The following SV2C variants were observed in gnomAD, a reference collection of about 807,000 sequenced individuals.
The protein encoded by SV2C is solute carrier family 22 member B3.
SV2C carries 49 observed loss-of-function variants against 79.7 expected under a neutral mutation model. That is an observed-to-expected ratio of 0.61 (90% CI 0.49 to 0.78). The LOEUF is 0.78. SV2C is among the 30% of genes least tolerant of loss of function. The pLI, the probability that SV2C is intolerant of heterozygous loss-of-function variation, is 0.00. For missense variants in SV2C, 833 were observed against 912.9 expected, an observed-to-expected ratio of 0.91 and a Z score of 1.13; for synonymous variants, 334 against 333.2, an observed-to-expected ratio of 1.00 and a Z score of -0.03.
chr5:76,011,347 G>A, the SV2C span, among the ~76,000 whole-genome samples: 2 of 152,074 alleles, frequency 1.3e-5, no homozygotes, highest in Non-Finnish European at 2.9e-5. Flanking sequence ...TAGTATAATA[G>A]CTAGTTCTCC....
At chr5:76,324,051 A>G (rs562743624) in intron 12 of SV2C, among the ~76,000 whole-genome samples, 1 of 152,334 alleles carries the variant, frequency 6.6e-6, no homozygotes, top group African/African-American at 2.4e-5. Context: ...CTTAGCATGA[A>G]CATAATTAAT....
chr5:75,886,724 T>A, the SV2C span, among the ~76,000 whole-genome samples: 1 of 152,116 alleles, frequency 6.6e-6, no homozygotes. Flanking sequence ...TCCACAGACA[T>A]TTACAGAGTT....
At chr5:76,066,514 T>C in the SV2C span, among the ~76,000 whole-genome samples, 3 of 148,044 alleles carry the variant, frequency 2.0e-5, no homozygotes, top group Admixed American at 2.0e-4. Context: ...AAATGATGAG[T>C]TAATGGGTGC....
intron 1 of SV2C, among the ~76,000 whole-genome samples, chr5:76,121,076 G>A (rs1748478198): frequency 6.6e-6 from 1 of 150,396 alleles, no homozygotes; most frequent in South Asian, 2.1e-4. Context: ...GGTGTGAGAT[G>A]GTATCTCATT....
intron 1 of SV2C, among the ~76,000 whole-genome samples, chr5:76,119,173 A>G (rs1382823453): frequency 6.6e-6 from 1 of 152,230 alleles, no homozygotes; most frequent in Admixed American, 6.5e-5. Flanking sequence ...AAAATGGTAG[A>G]AGAATATTTT....
intron 4 of SV2C, among the ~76,000 whole-genome samples, chr5:76,276,630 T>C (rs1304176275): frequency 1.3e-5 from 2 of 148,366 alleles, no homozygotes; most frequent in African/African-American, 5.0e-5. Context: ...ACCTGGCCTT[T>C]TCTTTTTCTT....
the SV2C span, among the ~76,000 whole-genome samples, chr5:75,932,379 G>C: frequency 6.6e-6 from 1 of 152,164 alleles, no homozygotes; most frequent in Non-Finnish European, 1.5e-5. Flanking sequence ...GCCAAGACCA[G>C]CTCGGTTGTG....
chr5:76,349,176 G>T (rs922141084), intron 12 of SV2C, among the ~76,000 whole-genome samples: 1 of 152,110 alleles, frequency 6.6e-6, no homozygotes, highest in Non-Finnish European at 1.5e-5. Context: ...TTAATGTAAA[G>T]TATTTAGAAC....
chr5:76,026,083 T>A, the SV2C span, among the ~76,000 whole-genome samples: 1 of 151,972 alleles, frequency 6.6e-6, no homozygotes, highest in Non-Finnish European at 1.5e-5. Context: ...GTAAGCCAAT[T>A]ATAGTTGGAA....
At chr5:76,306,541 A>G (rs1748200206) in intron 12 of SV2C, among the ~76,000 whole-genome samples, 2 of 152,246 alleles carry the variant, frequency 1.3e-5, no homozygotes, top group Admixed American at 6.5e-5. Flanking sequence ...CAGCAAATCA[A>G]AAACAAATCT....
intron 1 of SV2C, among the ~76,000 whole-genome samples, chr5:76,122,077 G>C (rs375995665): frequency 1.3e-5 from 2 of 150,976 alleles, no homozygotes; most frequent in African/African-American, 5.0e-5. Flanking sequence ...CCTTGAAGAG[G>C]TCCTTCACAT....
chr5:76,178,636 G>A (rs906248463), intron 2 of SV2C, among the ~76,000 whole-genome samples: 11 of 152,252 alleles, frequency 7.2e-5, no homozygotes, highest in Non-Finnish European at 1.5e-4. Flanking sequence ...AAAATAATAG[G>A]AAGGGCATGT....
downstream of SV2C, among the ~76,000 whole-genome samples, chr5:76,336,054 ACC>A (rs1171252407): frequency 7.9e-6 from 1 of 126,966 alleles, no homozygotes; most frequent in Non-Finnish European, 1.6e-5. Flanking sequence ...CGGGGGGCTG[ACC>A]CCCCCACCTC....
intron 4 of SV2C, among the ~76,000 whole-genome samples, chr5:76,234,357 C>A (rs1218044944): frequency 1.3e-5 from 2 of 152,174 alleles, no homozygotes; most frequent in Non-Finnish European, 2.9e-5. Flanking sequence ...TTCTAAAGCA[C>A]GATTTATAAA....
intron 12 of SV2C, among the ~76,000 whole-genome samples, chr5:76,304,695 C>T (rs754262001): frequency 3.3e-5 from 5 of 152,094 alleles, no homozygotes; most frequent in East Asian, 3.9e-4. Context: ...TCAGAGGAGA[C>T]GAACACTGTG....
At chr5:76,208,177 A>C (rs924713379) in intron 3 of SV2C, among the ~76,000 whole-genome samples, 1 of 152,228 alleles carries the variant, frequency 6.6e-6, no homozygotes, top group Non-Finnish European at 1.5e-5. Flanking sequence ...TCCCACTAAG[A>C]AACACACTGT....
intron 12 of SV2C, among the ~76,000 whole-genome samples, chr5:76,318,183 G>A (rs1748700040): frequency 6.6e-6 from 1 of 152,224 alleles, no homozygotes; most frequent in Non-Finnish European, 1.5e-5. Context: ...ACTTTGGGAG[G>A]CCGAGGCGGG....
intron 4 of SV2C, among the ~76,000 whole-genome samples, chr5:76,277,666 T>A (rs2112483587): frequency 6.6e-6 from 1 of 151,580 alleles, no homozygotes; most frequent in Non-Finnish European, 1.5e-5. Flanking sequence ...TTTGGGAGGC[T>A]GAGGCAGGAG....
chr5:75,936,251 T>C, the SV2C span, among the ~76,000 whole-genome samples: 1 of 152,202 alleles, frequency 6.6e-6, no homozygotes, highest in Non-Finnish European at 1.5e-5. Flanking sequence ...CTGACACATC[T>C]GCACAATTCT....
Sources: gnomAD v4.1 joint callset for allele counts (sites outside exome capture counted in the v4.1 genomes callset) on GRCh38, gnomAD v4.1.1 for gene constraint, MANE v1.5 for transcripts, NCBI Gene and HGNC (gene_info 2026-07-23, HGNC 2026-07-21) for gene names.